Variants in SPRR2G observed in about 807,000 individuals in gnomAD.
SPRR2G encodes the protein small proline rich protein 2G, also known as small proline-rich protein 2G.
In SPRR2G, 1 loss-of-function variant was observed where a neutral mutation model predicts 0.7. That is an observed-to-expected ratio of 1.49 (90% CI 0.53 to 7.06). The LOEUF (loss-of-function observed/expected upper bound fraction) is 7.06, where lower values mean the gene tolerates loss of function less well. Among genes scored for constraint, SPRR2G ranks in the 30% most tolerant of loss-of-function variants. The pLI is 0.14. For synonymous variants in SPRR2G, 38 were observed against 33.9 expected (o/e 1.12, Z -0.42); for missense variants, 96 against 88.5 (o/e 1.09, Z -0.34).
At chr1:153,189,405 A>C in the SPRR2G span, among the ~76,000 whole-genome samples, 1 of 151,944 alleles carries the variant, frequency 6.6e-6, no homozygotes, top group African/African-American at 2.4e-5. Flanking sequence ...GATTAATAAT[A>C]ATTATTGTTC....
the SPRR2G span, among the ~76,000 whole-genome samples, chr1:153,162,969 A>G: frequency 6.6e-6 from 1 of 152,200 alleles, no homozygotes; most frequent in African/African-American, 2.4e-5. Context: ...TAAAATGACA[A>G]TAAAGAATCT....
chr1:153,172,444 A>C, the SPRR2G span, among the ~76,000 whole-genome samples: 1 of 151,344 alleles, frequency 6.6e-6, no homozygotes, highest in African/African-American at 2.4e-5. Flanking sequence ...TCCTTCCCCC[A>C]CTCAAGAGTC....
the SPRR2G span, among the ~76,000 whole-genome samples, chr1:153,179,600 T>A: frequency 6.6e-6 from 1 of 152,108 alleles, no homozygotes; most frequent in African/African-American, 2.4e-5. Flanking sequence ...ATGATAGTAG[T>A]CATAATAATA....
chr1:153,190,632 A>G, the SPRR2G span: 1 of 152,226 alleles, frequency 6.6e-6, no homozygotes, highest in Non-Finnish European at 1.5e-5. Context: ...TCTCTGCCTC[A>G]ATGGAATTCA....
the SPRR2G span, among the ~76,000 whole-genome samples, chr1:153,172,029 C>T: frequency 1.3e-5 from 2 of 152,114 alleles, no homozygotes; most frequent in African/African-American, 4.8e-5. Context: ...TTACACTCAA[C>T]TTTAATCCTC....
upstream of SPRR2G, among the ~76,000 whole-genome samples, chr1:153,154,183 C>A (rs1375777893): frequency 6.6e-6 from 1 of 151,400 alleles, no homozygotes; most frequent in Non-Finnish European, 1.5e-5. Context: ...ATTTATTGAA[C>A]CATCCATCCT....
chr1:153,157,264 A>T, the SPRR2G span, among the ~76,000 whole-genome samples: 10 of 152,174 alleles, frequency 6.6e-5, no homozygotes, highest in African/African-American at 2.4e-4. Context: ...AAGTGTGATG[A>T]TCATCTTGTG....
the SPRR2G span, among the ~76,000 whole-genome samples, chr1:153,199,347 G>C: frequency 6.6e-6 from 1 of 152,192 alleles, no homozygotes; most frequent in Non-Finnish European, 1.5e-5. Flanking sequence ...TGCACAGCTA[G>C]ACAAAGCAGA....
At chr1:153,163,997 C>T in the SPRR2G span, among the ~76,000 whole-genome samples, 7 of 152,072 alleles carry the variant, frequency 4.6e-5, no homozygotes, top group South Asian at 2.1e-4. Flanking sequence ...GTATCAATAC[C>T]GTTTCATACT....
chr1:153,155,186 C>A (rs1157896636), upstream of SPRR2G, among the ~76,000 whole-genome samples: 1 of 152,126 alleles, frequency 6.6e-6, no homozygotes, highest in Non-Finnish European at 1.5e-5. Flanking sequence ...ACTCACTCAT[C>A]TACATTTGCA....
At chr1:153,186,795 G>A in the SPRR2G span, among the ~76,000 whole-genome samples, 61 of 152,206 alleles carry the variant, frequency 4.0e-4, no homozygotes, top group South Asian at 3.5e-3. Flanking sequence ...TCATAGTGTC[G>A]TTGGTCTTTA....
At chr1:153,150,606 G>A (rs566689375) in intron 1 of SPRR2G, among the ~76,000 whole-genome samples, 2 of 152,246 alleles carry the variant, frequency 1.3e-5, no homozygotes, top group East Asian at 1.9e-4. Flanking sequence ...TGTGAAGCAG[G>A]AGACAGAACA....
the SPRR2G span, among the ~76,000 whole-genome samples, chr1:153,177,293 G>A: frequency 6.6e-6 from 1 of 152,152 alleles, no homozygotes; most frequent in Non-Finnish European, 1.5e-5. Flanking sequence ...GGGGCTATAT[G>A]AACAAAGTTG....
the SPRR2G span, among the ~76,000 whole-genome samples, chr1:153,166,239 C>A: frequency 6.6e-6 from 1 of 152,132 alleles, no homozygotes; most frequent in Non-Finnish European, 1.5e-5. Context: ...TCAGGGAGAA[C>A]TAGATTTCTG....
At chr1:153,198,982 G>A in the SPRR2G span, among the ~76,000 whole-genome samples, 3 of 152,122 alleles carry the variant, frequency 2.0e-5, no homozygotes, top group Non-Finnish European at 4.4e-5. Context: ...TGTCACAGAG[G>A]ACCAAAAGGG....
chr1:153,185,621 G>A, the SPRR2G span, among the ~76,000 whole-genome samples: 1 of 151,784 alleles, frequency 6.6e-6, no homozygotes, highest in Non-Finnish European at 1.5e-5. Flanking sequence ...TTCTTTGTTA[G>A]TCTGGCTAGC....
At chr1:153,176,502 A>G in the SPRR2G span, 2 of 152,178 alleles carry the variant, frequency 1.3e-5, no homozygotes, top group African/African-American at 4.8e-5. Context: ...TATTTCCCCA[A>G]CAATTTTGAT....
At chr1:153,154,857 A>C (rs1360640193), upstream of SPRR2G, among the ~76,000 whole-genome samples, 5 of 152,138 alleles carry the variant, frequency 3.3e-5, no homozygotes. Context: ...GATTTAGCCC[A>C]CCATCTACTG....
chr1:153,192,831 GC>G, the SPRR2G span, among the ~76,000 whole-genome samples: 6 of 152,314 alleles, frequency 3.9e-5, no homozygotes, highest in East Asian at 1.2e-3. Flanking sequence ...TGACACTACT[GC>G]CTGTGTAGGT....
Sources: gnomAD v4.1 joint callset for allele counts (sites outside exome capture counted in the v4.1 genomes callset) on GRCh38, gnomAD v4.1.1 for gene constraint, MANE v1.5 for transcripts, NCBI Gene and HGNC (gene_info 2026-07-23, HGNC 2026-07-21) for gene names.